The following NR5A2 variants were observed in gnomAD, a reference collection of about 807,000 sequenced individuals.
NR5A2 encodes CYP7A promoter-binding factor.
In NR5A2, 26 loss-of-function variants were observed where a neutral mutation model predicts 62.7. The observed-to-expected ratio is 0.41, with a 90% CI of 0.30 to 0.58. The LOEUF (loss-of-function observed/expected upper bound fraction) is 0.58, where lower values mean the gene tolerates loss of function less well. Ranked by LOEUF, NR5A2 falls within the 20% of genes least tolerant of loss-of-function variation. The pLI is 0.22. For missense variants in NR5A2, 541 were observed against 669.1 expected (o/e 0.81, Z 2.11); for synonymous variants, 246 against 241.7 (o/e 1.02, Z -0.16).
At position 200,144,214 on chromosome 1, in the gene NR5A2, TTCTCTCTCTCTC is replaced by T. The variant is rs143043558; in HGVS notation, c.1378+23268_1378+23279del. Among the ~76,000 whole-genome samples the T allele has an allele frequency of 6.6e-3, 900 of 135,440 alleles. 13 individuals are homozygous for T. The highest frequency in any genetic ancestry group is 0.022 in the African/African-American group (751 of 34,428). The allele number at this position is 135,440 out of a possible 152,430, so 88.9% of individuals were successfully genotyped here. A position where few individuals can be genotyped will look rare whatever the true frequency, so the allele number is the denominator to read the frequency against. ...ACCGCCACCATCATCCCAGCACTGT[TTCTCTCTCTCTC>T]TCTCTCTCACACACACACACACACA... On this transcript the variant is annotated intron_variant, in intron 7 of 7. Coordinates refer to ENST00000367362, the MANE Select transcript of NR5A2 (RefSeq NM_205860.3).
chr1:200,129,440 G>T (rs1041798735), intron 7 of NR5A2, among the ~76,000 whole-genome samples: 1 of 152,178 alleles, frequency 6.6e-6, no homozygotes, highest in Non-Finnish European at 1.5e-5. Flanking sequence ...AGAAAACCAC[G>T]GCACTTCAAT....
intron 5 of NR5A2, among the ~76,000 whole-genome samples, chr1:200,056,829 G>A (rs780051754): frequency 6.6e-6 from 1 of 152,110 alleles, no homozygotes; most frequent in African/African-American, 2.4e-5. Flanking sequence ...TGAGAATAGC[G>A]AGGCACACCC....
chr1:200,061,526 C>A (rs1663220144), intron 5 of NR5A2, among the ~76,000 whole-genome samples: 1 of 152,134 alleles, frequency 6.6e-6, no homozygotes, highest in African/African-American at 2.4e-5. Context: ...GATCCGCCCA[C>A]CTCCGCCTCC....
At chr1:200,146,611 A>T (rs1220088828) in intron 7 of NR5A2, among the ~76,000 whole-genome samples, 1 of 152,256 alleles carries the variant, frequency 6.6e-6, no homozygotes, top group Non-Finnish European at 1.5e-5. Context: ...AACATTAAAT[A>T]AAATTAAATC....
chr1:200,055,218 G>A (rs959751799), intron 5 of NR5A2, among the ~76,000 whole-genome samples: 2 of 144,500 alleles, frequency 1.4e-5, no homozygotes, highest in East Asian at 4.2e-4. Context: ...TTTTTGTGAC[G>A]GAGTTTCACT....
At chr1:200,043,544 A>C (rs1339686091) in intron 2 of NR5A2, among the ~76,000 whole-genome samples, 3 of 152,212 alleles carry the variant, frequency 2.0e-5, no homozygotes, top group Non-Finnish European at 4.4e-5. Context: ...TTAACAAAAG[A>C]AGTTGGAATT....
chr1:200,095,390 T>C (rs1665039986), intron 5 of NR5A2, among the ~76,000 whole-genome samples: 1 of 152,186 alleles, frequency 6.6e-6, no homozygotes, highest in South Asian at 2.1e-4. Context: ...TAAAGTGGCA[T>C]GAGACTTCAG....
chr1:200,147,611 A>G lies in NR5A2; in HGVS notation c.1379-26352A>G. 1.4e-6 allele frequency: 1 copy of G among 718,214 alleles called. No individual in the cohort carries two copies. Among genetic ancestry groups the G allele is most frequent in the Non-Finnish European group, 2.6e-6 (1 of 384,774 alleles). The allele number at this position is 718,214 out of a possible 1,614,324, so 44.5% of individuals were successfully genotyped here. ...ACGCTAGGGCAGAGCACATTTTCGC[A>G]CAGGCAGCGCCGCAGCTTGCCCTGG... On this transcript the variant is annotated intron_variant, in intron 7 of 7. Transcript: ENST00000367362. This position sits in a 1 kb window ranked among gnomAD's most constrained non-coding sequence, Gnocchi z 4.9.
chr1:200,134,488 G>A (rs964815878), intron 7 of NR5A2, among the ~76,000 whole-genome samples: 35 of 152,178 alleles, frequency 2.3e-4, no homozygotes, highest in Non-Finnish European at 4.0e-4. Context: ...CGCTGTATAG[G>A]TTTGTAGCCT....
At chr1:200,114,219 T>TAG (rs1362406832) in intron 6 of NR5A2, among the ~76,000 whole-genome samples, 1 of 40,398 alleles carries the variant, frequency 2.5e-5, no homozygotes, top group Non-Finnish European at 6.0e-5. Context: ...AGCTAGAAGA[T>TAG]ATATATATAT....
At chr1:200,161,482 A>G (rs1370447897) in intron 7 of NR5A2, among the ~76,000 whole-genome samples, 2 of 152,232 alleles carry the variant, frequency 1.3e-5, no homozygotes, top group Non-Finnish European at 1.5e-5. Flanking sequence ...ATGTGTATAC[A>G]GAGGGAAAAT....
At chr1:200,107,794 C>A (rs987202583) in intron 5 of NR5A2, among the ~76,000 whole-genome samples, 1 of 150,944 alleles carries the variant, frequency 6.6e-6, no homozygotes, top group African/African-American at 2.5e-5. Flanking sequence ...CGCCTGCCAC[C>A]AGACCTGGCT....
intron 2 of NR5A2, among the ~76,000 whole-genome samples, chr1:200,040,665 A>G (rs571105094): frequency 1.3e-5 from 2 of 152,340 alleles, no homozygotes; most frequent in Admixed American, 1.3e-4. Flanking sequence ...CGCCCCTTCC[A>G]GGGTGCAGGA....
intron 5 of NR5A2, among the ~76,000 whole-genome samples, chr1:200,105,829 G>A (rs1490506734): frequency 6.6e-6 from 1 of 152,086 alleles, no homozygotes; most frequent in Admixed American, 6.5e-5. Context: ...GTGAGTTCTG[G>A]TGGTCCTAGC....
At chr1:200,110,456 C>T (rs1665889929) in intron 5 of NR5A2, among the ~76,000 whole-genome samples, 1 of 152,140 alleles carries the variant, frequency 6.6e-6, no homozygotes, top group African/African-American at 2.4e-5. Context: ...CATAAGATCC[C>T]CATTATAATG....
At chr1:200,073,322 T>TTATATATATATATATATTCCCCTTTA (rs1558121869) in intron 5 of NR5A2, among the ~76,000 whole-genome samples, 45 of 36,554 alleles carry the variant, frequency 1.2e-3, no homozygotes, top group Non-Finnish European at 2.0e-3. Flanking sequence ...ATATTCCCCT[T>TTATATATATATATATATTCCCCTTTA]TATATATATA....
At chr1:200,166,084 T>C (rs1365466924) in intron 7 of NR5A2, among the ~76,000 whole-genome samples, 1 of 152,194 alleles carries the variant, frequency 6.6e-6, no homozygotes, top group South Asian at 2.1e-4. Context: ...TGTGACTGGC[T>C]TATTTCACTT....
chr1:200,120,444 C>T (rs1321740420), intron 6 of NR5A2, among the ~76,000 whole-genome samples: 2 of 152,126 alleles, frequency 1.3e-5, no homozygotes, highest in Non-Finnish European at 2.9e-5. Flanking sequence ...TAGCCAAAAC[C>T]TCTTTCCTAC....
intron 5 of NR5A2, among the ~76,000 whole-genome samples, chr1:200,095,969 T>A (rs1665077723): frequency 6.6e-6 from 1 of 152,238 alleles, no homozygotes; most frequent in African/African-American, 2.4e-5. Context: ...CTAACTTGTG[T>A]GTAATGGCCA....
Sources: gnomAD v4.1 joint callset for allele counts (sites outside exome capture counted in the v4.1 genomes callset) on GRCh38, gnomAD v4.1.1 for gene constraint, Gnocchi (gnomAD v3.1) non-coding constraint, MANE v1.5 for transcripts, NCBI Gene and HGNC (gene_info 2026-07-23, HGNC 2026-07-21) for gene names.